The following FLNB variants were observed in gnomAD, a reference collection of about 807,000 sequenced individuals.
FLNB encodes the protein filamin-B.
FLNB carries 111 observed loss-of-function variants against 250.6 expected under a neutral mutation model. The ratio of observed to expected loss-of-function variants is 0.44; its 90% CI spans 0.38 to 0.52. FLNB has a LOEUF of 0.52. FLNB is among the 20% of genes least tolerant of loss of function. The pLI is 0.00. For missense variants in FLNB, 2,869 were observed against 3,447.8 expected, an observed-to-expected ratio of 0.83 and a Z score of 4.20; for synonymous variants, 1,302 against 1,372.1, an observed-to-expected ratio of 0.95 and a Z score of 1.13.
chr3:58,072,883 G>A (rs143826351), intron 1 of FLNB, among the ~76,000 whole-genome samples: 77 of 152,298 alleles, frequency 5.1e-4, no homozygotes, highest in Middle Eastern at 3.4e-3. Context: ...AAAGACTTGT[G>A]TCTCATTCCT....
chr3:58,074,657 C>T (rs77880321), intron 1 of FLNB, among the ~76,000 whole-genome samples: 1,973 of 152,270 alleles, frequency 0.013, 43 homozygotes, highest in African/African-American at 0.045. Flanking sequence ...CTGGCTTAAA[C>T]GTTAGTGATA....
chr3:58,099,145 C>T (rs896470828), intron 8 of FLNB, among the ~76,000 whole-genome samples: 2 of 152,120 alleles, frequency 1.3e-5, no homozygotes, highest in African/African-American at 4.8e-5. Flanking sequence ...TTACTTCTCT[C>T]CAAAACACAT....
chr3:58,122,538 C>T (rs1207251488), intron 20 of FLNB, among the ~76,000 whole-genome samples: 1 of 152,006 alleles, frequency 6.6e-6, no homozygotes, highest in Non-Finnish European at 1.5e-5. Context: ...TTCATAGTAA[C>T]CCTGACTCAA....
chr3:58,127,851 A>T (rs930133773), intron 24 of FLNB, among the ~76,000 whole-genome samples: 1 of 151,978 alleles, frequency 6.6e-6, no homozygotes, highest in Non-Finnish European at 1.5e-5. Flanking sequence ...CACACATTTT[A>T]TTTATTTATT....
At position 58,168,489 on chromosome 3, in the gene FLNB, A is replaced by G. The variant is rs2097374832; in HGVS notation, c.7248A>G (p.Thr2416=). The part of the protein sequence containing the change: ...FINTTRAGPG[T]LSVTIEGPSK... ...ACACCACCCGAGCAGGTCCAGGGAC[A>G]TTATCCGTCACCATCGAAGGCCCAT... The change falls in exon 44 of 46, where the codon ACA becomes ACG. Residue 2416 remains threonine, a synonymous_variant. Transcript: ENST00000295956. 4 of 1,614,246 alleles carry G rather than the reference A, an allele frequency of 2.5e-6. No homozygotes were observed. The highest frequency in any genetic ancestry group is 2.2e-5 in the East Asian group (1 of 44,892).
chr3:58,145,826 C>T lies in FLNB; in HGVS notation c.5426-95C>T, dbSNP rs1226717471. On this transcript the variant is annotated intron_variant, in intron 32 of 45. Transcript: ENST00000295956. ...ATGCCTCTGCTTAGGAGGCGCCAGA[C>T]CTGTAGAGAGGTGGACGTCAAGATG... 2.6e-6 allele frequency: 4 copies of T among 1,513,518 alleles called. No homozygotes were observed. The Admixed American group carries it at 6.7e-5, about 25-fold the overall frequency. 93.8% of individuals were successfully genotyped at this position (1,513,518 alleles called of 1,614,324 possible).
At chr3:58,115,920 C>G (rs1386854759) in intron 18 of FLNB, among the ~76,000 whole-genome samples, 1 of 152,124 alleles carries the variant, frequency 6.6e-6, no homozygotes, top group East Asian at 1.9e-4. Flanking sequence ...ATTATTTGGG[C>G]AACTTGCAAT....
At chr3:58,124,268 TTCTGGGGTTTGCTTTTGGG>T in intron 21 of FLNB, 45 bp from the exon 22 acceptor site, 1 of 1,573,244 alleles carries the variant, frequency 6.4e-7, no homozygotes, top group Non-Finnish European at 8.7e-7. Flanking sequence ...AGAACCTTGG[TTCTGGGGTTTGCTTTTGGG>T]TCTGGGGTAC....
chr3:58,125,273 C>T lies in FLNB; in HGVS notation c.3899-308C>T, dbSNP rs369406540. ...TCAGCCCCCTGAGTAGCTGGAACTGCAGGTGTGCACCACCACACTCAGCTA... is the reference window on the plus strand; with the variant it reads ...TCAGCCCCCTGAGTAGCTGGAACTGTAGGTGTGCACCACCACACTCAGCTA... On this transcript the variant is annotated intron_variant, in intron 22 of 45. Coordinates refer to ENST00000295956, the MANE Select transcript of FLNB (RefSeq NM_001457.4). Among the ~76,000 whole-genome samples the T allele has an allele frequency of 2.6e-5, 4 of 152,192 alleles. No homozygotes were observed. In the South Asian group the frequency reaches 6.2e-4, roughly 24 times the overall value.
At chr3:58,037,058 CTTTTTTTTTTTTT>C (rs549716136) in intron 1 of FLNB, among the ~76,000 whole-genome samples, 95 of 103,614 alleles carry the variant, frequency 9.2e-4, no homozygotes, top group Middle Eastern at 0.011. Context: ...ACATTAGAGT[CTTTTTTTTTTTTT>C]TTTTTTTTTT....
chr3:58,028,593 CA>C (rs1287594079), intron 1 of FLNB, among the ~76,000 whole-genome samples: 1 of 145,194 alleles, frequency 6.9e-6, no homozygotes, highest in Non-Finnish European at 1.5e-5. Flanking sequence ...TTATCTCTAC[CA>C]AAAAAAATTT....
Position 58,098,717 on chromosome 3 carries a change from G to C in FLNB, c.1154G>C (p.Gly385Ala), listed in dbSNP as rs371126835. 18 of 1,614,032 alleles carry C rather than the reference G, an allele frequency of 1.1e-5. No individual in the cohort carries two copies. In the African/African-American group the frequency reaches 1.9e-4, roughly 17 times the overall value. ...AATGCTTGCTTTCTTGTAGGAGCTG[G>C]TGTGGGTGACATTGGTGTGGAGGTG... ...TYFDIYTAGAGVGDIGVEVED... is the reference protein window; with the variant it reads ...TYFDIYTAGAAVGDIGVEVED... The change falls in exon 8 of 46, where the codon GGT becomes GCT. Residue 385 changes from glycine to alanine, a missense_variant. By Grantham distance (60) the Gly-to-Ala change is moderately conservative (BLOSUM62 0). Coordinates refer to ENST00000295956, the MANE Select transcript of FLNB (RefSeq NM_001457.4).
chr3:58,071,014 C>T (rs528924878), intron 1 of FLNB, among the ~76,000 whole-genome samples: 1 of 150,866 alleles, frequency 6.6e-6, no homozygotes, highest in African/African-American at 2.4e-5. Context: ...GTGGCGTGAT[C>T]ATGGTTCACT....
chr3:58,071,214 A>T (rs901024796), intron 1 of FLNB, among the ~76,000 whole-genome samples: 1 of 147,966 alleles, frequency 6.8e-6, no homozygotes. Context: ...TCAGCTTCCC[A>T]TAGTGCTGGG....
intron 4 of FLNB, among the ~76,000 whole-genome samples, chr3:58,088,449 A>T (rs935986668): frequency 1.4e-4 from 21 of 152,322 alleles, no homozygotes; most frequent in African/African-American, 4.8e-4. Flanking sequence ...CTTTCTTCTA[A>T]CTACAACTAA....
At chr3:58,082,686 G>A (rs1296289786) in intron 4 of FLNB, among the ~76,000 whole-genome samples, 4 of 151,690 alleles carry the variant, frequency 2.6e-5, no homozygotes, top group African/African-American at 9.7e-5. Context: ...CAGGAGAATC[G>A]CTTGAACCCA....
intron 4 of FLNB, among the ~76,000 whole-genome samples, chr3:58,093,744 A>G (rs1434919746): frequency 6.6e-6 from 1 of 152,190 alleles, no homozygotes; most frequent in Non-Finnish European, 1.5e-5. Flanking sequence ...GCGAATGGTT[A>G]AACTGTGGTA....
chr3:58,152,170 A>T (rs1016798440), intron 38 of FLNB, among the ~76,000 whole-genome samples: 1 of 152,104 alleles, frequency 6.6e-6, no homozygotes, highest in Non-Finnish European at 1.5e-5. Context: ...TTAGTACCAG[A>T]TGACTCTGGG....
At chr3:58,099,305 C>T (rs1296382945) in intron 8 of FLNB, among the ~76,000 whole-genome samples, 4 of 152,128 alleles carry the variant, frequency 2.6e-5, no homozygotes, top group African/African-American at 9.7e-5. Context: ...ATGACTGCAT[C>T]TAATCATTGC....
Sources: gnomAD v4.1 joint callset for allele counts (sites outside exome capture counted in the v4.1 genomes callset) on GRCh38, gnomAD v4.1.1 for gene constraint, MANE v1.5 for transcripts, NCBI Gene and HGNC (gene_info 2026-07-23, HGNC 2026-07-21) for gene names.